The following NELL1 variants were observed in gnomAD, a reference collection of about 807,000 sequenced individuals.
The protein encoded by NELL1 is neural EGFL like 1.
A neutral mutation model predicts 107.4 loss-of-function variants in NELL1; 76 were observed. The ratio of observed to expected loss-of-function variants is 0.71; its 90% CI spans 0.59 to 0.86. The LOEUF (loss-of-function observed/expected upper bound fraction) is 0.86, where lower values mean the gene tolerates loss of function less well. NELL1 is among the 40% of genes least tolerant of loss of function. NELL1 has a pLI of 0.00. For synonymous variants in NELL1, 353 were observed against 341.2 expected, an observed-to-expected ratio of 1.03 and a Z score of -0.38; for missense variants, 1,024 against 1,005.5, an observed-to-expected ratio of 1.02 and a Z score of -0.25.
chr11:21,392,540 T>G (rs1453546872), intron 15 of NELL1, among the ~76,000 whole-genome samples: 1 of 151,738 alleles, frequency 6.6e-6, no homozygotes, highest in Non-Finnish European at 1.5e-5. Flanking sequence ...CTCGTTAGAG[T>G]TTGAGGGGAA....
At chr11:21,400,536 T>A (rs1005860901) in intron 15 of NELL1, among the ~76,000 whole-genome samples, 1 of 151,832 alleles carries the variant, frequency 6.6e-6, no homozygotes, top group Non-Finnish European at 1.5e-5. Context: ...TTCTACCATC[T>A]TGTATATTCA....
intron 14 of NELL1, among the ~76,000 whole-genome samples, chr11:21,337,804 CTTT>C (rs1565175444): frequency 1.5e-3 from 107 of 70,428 alleles, no homozygotes; most frequent in Middle Eastern, 7.8e-3. Context: ...TTCCTTCTTT[CTTT>C]CTTGCTTTCC....
At chr11:21,229,505 T>A (rs771920070) in intron 14 of NELL1, 51 bp downstream of exon 14, 14 of 1,610,020 alleles carry the variant, frequency 8.7e-6, no homozygotes, top group Non-Finnish European at 1.2e-5. Context: ...CTGCCTGGGC[T>A]CTTGGCACTT....
intron 17 of NELL1, among the ~76,000 whole-genome samples, chr11:21,569,713 G>A (rs138122651): frequency 1.2e-4 from 18 of 151,872 alleles, no homozygotes; most frequent in African/African-American, 4.1e-4. Flanking sequence ...TAGAAGTAAT[G>A]AGAAGTCTGA....
At chr11:20,981,476 T>C (rs1022770292) in intron 12 of NELL1, among the ~76,000 whole-genome samples, 4 of 152,154 alleles carry the variant, frequency 2.6e-5, no homozygotes, top group African/African-American at 9.7e-5. Flanking sequence ...TATAGGACAG[T>C]GGTAGGATAT....
At chr11:20,778,498 C>CTTTTTTTTTTTTTTTTTTTTTT (rs1161737750) in intron 2 of NELL1, among the ~76,000 whole-genome samples, 2 of 73,022 alleles carry the variant, frequency 2.7e-5, no homozygotes, top group Non-Finnish European at 5.0e-5. Flanking sequence ...TCACCCAGCA[C>CTTTTTTTTTTTTTTTTTTTTTT]TTTTTTTTTT....
chr11:20,697,493 C>T (rs567545514), intron 2 of NELL1, among the ~76,000 whole-genome samples: 5 of 150,160 alleles, frequency 3.3e-5, no homozygotes, highest in Non-Finnish European at 2.9e-5. Flanking sequence ...TTTCAAGTAG[C>T]TTGTTTTATG....
chr11:21,083,910 A>G (rs1465442667), intron 12 of NELL1, among the ~76,000 whole-genome samples: 10 of 152,208 alleles, frequency 6.6e-5, no homozygotes, highest in Admixed American at 6.5e-4. Flanking sequence ...AAAAGTTATT[A>G]CCATTTTTGT....
intron 15 of NELL1, among the ~76,000 whole-genome samples, chr11:21,531,651 G>T (rs1466958543): frequency 6.6e-6 from 1 of 152,132 alleles, no homozygotes; most frequent in Admixed American, 6.6e-5. Flanking sequence ...TTTCCTTTGG[G>T]ATGGTTGACA....
chr11:21,183,562 T>C (rs184450157), intron 13 of NELL1, among the ~76,000 whole-genome samples: 2 of 151,912 alleles, frequency 1.3e-5, no homozygotes, highest in East Asian at 3.9e-4. Flanking sequence ...GGTGAGATTA[T>C]CATTAATTAA....
At chr11:21,483,023 T>A (rs954503288) in intron 15 of NELL1, among the ~76,000 whole-genome samples, 2 of 152,044 alleles carry the variant, frequency 1.3e-5, no homozygotes, top group African/African-American at 4.8e-5. Context: ...AGTCTTGCTC[T>A]GTCGCCCAGG....
At chr11:21,375,598 T>C (rs924025470) in intron 15 of NELL1, among the ~76,000 whole-genome samples, 2 of 152,106 alleles carry the variant, frequency 1.3e-5, no homozygotes, top group African/African-American at 2.4e-5. Flanking sequence ...GATCAAATAG[T>C]AGTTTTAAGT....
intron 12 of NELL1, among the ~76,000 whole-genome samples, chr11:21,059,654 A>G (rs2134360423): frequency 6.6e-6 from 1 of 152,284 alleles, no homozygotes; most frequent in East Asian, 1.9e-4. Flanking sequence ...ATATGACTTA[A>G]TTCCCCTACT....
chr11:21,468,553 C>G (rs1854090749), intron 15 of NELL1, among the ~76,000 whole-genome samples: 1 of 151,978 alleles, frequency 6.6e-6, no homozygotes, highest in Non-Finnish European at 1.5e-5. Context: ...GCCCAATCTC[C>G]AATTTGCTTC....
At chr11:20,984,592 C>T (rs1482217143) in intron 12 of NELL1, among the ~76,000 whole-genome samples, 1 of 152,118 alleles carries the variant, frequency 6.6e-6, no homozygotes, top group Admixed American at 6.6e-5. Flanking sequence ...TGTTGGGAAG[C>T]TCTTTCTTTA....
intron 13 of NELL1, among the ~76,000 whole-genome samples, chr11:21,165,565 C>T (rs1249086630): frequency 6.7e-6 from 1 of 149,198 alleles, no homozygotes; most frequent in African/African-American, 2.6e-5. Flanking sequence ...GCAATCCCAC[C>T]CCTAGGTGTA....
At chr11:20,876,379 A>G (rs1191156924) in intron 4 of NELL1, among the ~76,000 whole-genome samples, 1 of 152,198 alleles carries the variant, frequency 6.6e-6, no homozygotes, top group African/African-American at 2.4e-5. Context: ...TCTTTGGGCC[A>G]TTCCTTTCAT....
At chr11:20,797,017 G>T (rs1470561525) in intron 3 of NELL1, among the ~76,000 whole-genome samples, 1 of 152,210 alleles carries the variant, frequency 6.6e-6, no homozygotes, top group African/African-American at 2.4e-5. Flanking sequence ...TATTATTGGA[G>T]AGTGGAGAAA....
intron 12 of NELL1, among the ~76,000 whole-genome samples, chr11:21,015,119 T>C (rs926412810): frequency 2.0e-5 from 3 of 152,140 alleles, no homozygotes; most frequent in Non-Finnish European, 4.4e-5. Context: ...CTTTCTGTTT[T>C]CTTTCTTCTT....
Sources: allele counts gnomAD v4.1 joint callset (sites outside exome capture counted in the v4.1 genomes callset), GRCh38; gene constraint gnomAD v4.1.1; transcripts MANE v1.5; gene names NCBI Gene and HGNC (gene_info 2026-07-23, HGNC 2026-07-21).